The following RAB2A variants were observed in gnomAD, a reference collection of about 807,000 sequenced individuals.
RAB2A encodes RAB2A, member RAS oncogene family.
A neutral mutation model predicts 32.5 loss-of-function variants in RAB2A; 7 were observed. The ratio of observed to expected loss-of-function variants is 0.22; its 90% CI spans 0.12 to 0.40. The LOEUF is 0.40. Among genes scored for constraint, RAB2A ranks in the 10% least tolerant of loss-of-function variants. The pLI is 1.00. For synonymous variants in RAB2A, 79 were observed against 85.2 expected (o/e 0.93, Z 0.40); for missense variants, 108 against 260.7 (o/e 0.41, Z 4.03).
chr8:60,573,056 A>G (rs1808219957), intron 3 of RAB2A, among the ~76,000 whole-genome samples: 2 of 136,238 alleles, frequency 1.5e-5, no homozygotes, highest in African/African-American at 6.4e-5. Flanking sequence ...ATTGAAGTAT[A>G]TTAAGAAAAT....
intron 5 of RAB2A, among the ~76,000 whole-genome samples, chr8:60,589,474 G>C (rs1298851531): frequency 2.0e-5 from 3 of 152,196 alleles, no homozygotes; most frequent in Non-Finnish European, 4.4e-5. Context: ...GTGAAGGGCA[G>C]TGACCTAGTC....
intron 1 of RAB2A, among the ~76,000 whole-genome samples, chr8:60,542,187 G>T (rs1471480866): frequency 6.6e-6 from 1 of 152,186 alleles, no homozygotes; most frequent in African/African-American, 2.4e-5. Context: ...ATGAGTAGCT[G>T]AGTAGACAAA....
intron 6 of RAB2A, among the ~76,000 whole-genome samples, chr8:60,599,266 C>A (rs1256002720): frequency 6.6e-6 from 1 of 152,048 alleles, no homozygotes; most frequent in Non-Finnish European, 1.5e-5. Context: ...AAACTACTTA[C>A]AGTGGTGAAA....
chr8:60,520,089 A>G (rs1807278765), intron 1 of RAB2A, among the ~76,000 whole-genome samples: 1 of 152,198 alleles, frequency 6.6e-6, no homozygotes, highest in Non-Finnish European at 1.5e-5. Context: ...TGTTTCCGTA[A>G]CCTATAACCT....
chr8:60,521,871 C>T (rs564466889), intron 1 of RAB2A, among the ~76,000 whole-genome samples: 64 of 152,320 alleles, frequency 4.2e-4, no homozygotes, highest in Admixed American at 3.3e-3. Context: ...GTCCACTCAC[C>T]TCGGCCTCCT....
At chr8:60,534,289 C>T (rs975044023) in intron 1 of RAB2A, among the ~76,000 whole-genome samples, 6 of 152,044 alleles carry the variant, frequency 3.9e-5, no homozygotes, top group African/African-American at 1.4e-4. Context: ...CTGCTAACCC[C>T]GTTTTCCAAA....
intron 1 of RAB2A, chr8:60,558,574 C>CTGGTTAG: frequency 4.0e-6 from 2 of 503,408 alleles, no homozygotes; most frequent in Non-Finnish European, 7.5e-6. Context: ...CCAGAAGGAC[C>CTGGTTAG]TGGTTAGTTG....
rs192628540 is a variant in RAB2A at position 60,622,662 on chromosome 8, C to G, written c.*1893C>G. 6.6e-6 allele frequency: 1 copy of G among 152,180 alleles called. No individual in the cohort carries two copies. The highest frequency in any genetic ancestry group is 6.5e-5 in the Admixed American group (1 of 15,270). 9.4% of individuals were successfully genotyped at this position (152,180 alleles called of 1,614,324 possible). A position where few individuals can be genotyped will look rare whatever the true frequency, so the allele number is the denominator to read the frequency against. On this transcript the variant is annotated 3_prime_UTR_variant, in exon 8 of 8. Transcript: ENST00000262646. The stretch of plus-strand genomic sequence containing the variant: ...GTGCGTTTCTTTTCCATACTTTCTC[C>G]CCTAATTCTTTTATTTGAAGAAGAG...
chr8:60,562,444 GT>G, intron 2 of RAB2A, among the ~76,000 whole-genome samples: 1 of 152,284 alleles, frequency 6.6e-6, no homozygotes, highest in East Asian at 1.9e-4. Context: ...AAAATGGATT[GT>G]TTTTTGTTGG....
chr8:60,618,538 CT>C, intron 6 of RAB2A, 41 bp from the exon 7 acceptor site: 1 of 1,008,830 alleles, frequency 9.9e-7, no homozygotes, highest in Non-Finnish European at 1.4e-6. Context: ...TATTTTACTG[CT>C]TTGGTTTTAT....
At chr8:60,592,627 T>C (rs184423529) in intron 6 of RAB2A, among the ~76,000 whole-genome samples, 1 of 152,206 alleles carries the variant, frequency 6.6e-6, no homozygotes, top group Non-Finnish European at 1.5e-5. Flanking sequence ...CTGTTTCATC[T>C]ATTGATGAAA....
Position 60,618,615 on chromosome 8 carries a change from A to G in RAB2A, c.510A>G (p.Lys170=), listed in dbSNP as rs764966905. ...ATACAGCAAAAGAAATTTATGAAAA[A>G]ATTCAAGAAGGAGTCTTTGACATTA... ...FINTAKEIYE[K]IQEGVFDINN... is the part of the protein sequence containing the mutation. Residue 170 remains lysine (K), a synonymous_variant, in exon 7 of 8, where the codon AAA becomes AAG. Coordinates refer to ENST00000262646, the MANE Select transcript of RAB2A (RefSeq NM_002865.3). The G allele has an allele frequency of 7.4e-6, 9 of 1,215,156 alleles. No individual in the cohort carries two copies. The African/African-American group carries it at 1.3e-4, about 17-fold the overall frequency. 75.3% of individuals were successfully genotyped at this position (1,215,156 alleles called of 1,614,324 possible).
At chr8:60,531,186 A>G (rs571646903) in intron 1 of RAB2A, among the ~76,000 whole-genome samples, 3 of 152,354 alleles carry the variant, frequency 2.0e-5, no homozygotes, top group South Asian at 4.1e-4. Flanking sequence ...CTGCCCCAGC[A>G]TTATTAAAAT....
intron 1 of RAB2A, among the ~76,000 whole-genome samples, chr8:60,536,439 G>C (rs1300874453): frequency 6.6e-6 from 1 of 152,076 alleles, no homozygotes; most frequent in Non-Finnish European, 1.5e-5. Flanking sequence ...TTTACATCCA[G>C]TTTGATATAT....
intron 6 of RAB2A, among the ~76,000 whole-genome samples, chr8:60,604,366 A>C (rs757916773): frequency 6.6e-6 from 1 of 152,170 alleles, no homozygotes; most frequent in Non-Finnish European, 1.5e-5. Flanking sequence ...GATACAGAAA[A>C]TTGGTACTGA....
intron 1 of RAB2A, among the ~76,000 whole-genome samples, chr8:60,526,056 T>TATATATATATATATATATA (rs1372267520): frequency 1.6e-5 from 2 of 125,546 alleles, no homozygotes; most frequent in Admixed American, 8.0e-5. Flanking sequence ...TATATATATA[T>TATATATATATATATATATA]AAGTTTTCTG....
chr8:60,558,757 C>A, intron 1 of RAB2A, 95 bp from the exon 2 acceptor site: 1 of 1,017,396 alleles, frequency 9.8e-7, no homozygotes, highest in Non-Finnish European at 1.5e-6. Context: ...TCACAGTGCA[C>A]CAGAAACCCT....
chr8:60,566,193 AACAC>A (rs1451797583), intron 2 of RAB2A, among the ~76,000 whole-genome samples: 2 of 152,120 alleles, frequency 1.3e-5, no homozygotes, highest in Non-Finnish European at 2.9e-5. Context: ...TGTATTCCTA[AACAC>A]ACACACAAAG....
intron 6 of RAB2A, among the ~76,000 whole-genome samples, chr8:60,593,701 A>G (rs147356168): frequency 2.0e-4 from 31 of 152,254 alleles, no homozygotes; most frequent in African/African-American, 5.3e-4. Flanking sequence ...CATTCATCAT[A>G]CCTAGAACCA....
Sources: gnomAD v4.1 joint callset for allele counts (sites outside exome capture counted in the v4.1 genomes callset) on GRCh38, gnomAD v4.1.1 for gene constraint, MANE v1.5 for transcripts, NCBI Gene and HGNC (gene_info 2026-07-23, HGNC 2026-07-21) for gene names.